Variants in UCK2 observed in about 807,000 individuals in gnomAD.
The protein encoded by UCK2 is cytidine monophosphokinase 2.
A neutral mutation model predicts 30.8 loss-of-function variants in UCK2; 6 were observed. The observed-to-expected ratio is 0.19, with a 90% CI of 0.11 to 0.38. The LOEUF is 0.38. Ranked by LOEUF, UCK2 falls within the 10% of genes least tolerant of loss-of-function variation. UCK2 has a pLI of 1.00. For missense variants in UCK2, 210 were observed against 339.8 expected (o/e 0.62, Z 3.00); for synonymous variants, 125 against 133.6 (o/e 0.94, Z 0.45).
intron 4 of UCK2, among the ~76,000 whole-genome samples, chr1:165,898,304 A>G (rs1034345685): frequency 1.3e-5 from 2 of 152,184 alleles, no homozygotes; most frequent in African/African-American, 2.4e-5. Context: ...TCATTTTCCT[A>G]TTAGAATGTG....
At chr1:165,877,690 T>G (rs2101874379) in intron 1 of UCK2, among the ~76,000 whole-genome samples, 1 of 152,320 alleles carries the variant, frequency 6.6e-6, no homozygotes, top group East Asian at 1.9e-4. Flanking sequence ...GCTTCTAATT[T>G]TTGGCTCTAA....
chr1:165,869,659 CTT>C (rs71100867), intron 1 of UCK2, among the ~76,000 whole-genome samples: 2,261 of 73,960 alleles, frequency 0.031, 41 homozygotes, highest in Middle Eastern at 0.052. Flanking sequence ...CATCATGGGC[CTT>C]TTTTTTTTTT....
intron 1 of UCK2, among the ~76,000 whole-genome samples, chr1:165,857,014 T>G (rs1214440345): frequency 6.6e-6 from 1 of 151,902 alleles, no homozygotes; most frequent in Non-Finnish European, 1.5e-5. Flanking sequence ...TTTTAGGGGC[T>G]TGGGAAAGTA....
intron 1 of UCK2, among the ~76,000 whole-genome samples, chr1:165,860,568 C>T (rs1430580747): frequency 6.6e-6 from 1 of 152,074 alleles, no homozygotes; most frequent in Non-Finnish European, 1.5e-5. Flanking sequence ...CCCACCTCAG[C>T]CTCCCAAGTA....
chr1:165,888,046 T>C (rs1396273583), intron 1 of UCK2, among the ~76,000 whole-genome samples: 1 of 152,242 alleles, frequency 6.6e-6, no homozygotes, highest in Non-Finnish European at 1.5e-5. Flanking sequence ...ACAGCTTGTA[T>C]AACAGGACGT....
At chr1:165,857,034 G>C (rs771842209) in intron 1 of UCK2, among the ~76,000 whole-genome samples, 1 of 151,628 alleles carries the variant, frequency 6.6e-6, no homozygotes, top group Non-Finnish European at 1.5e-5. Context: ...ATTTCAACTC[G>C]AAGAAAGGAC....
intron 3 of UCK2, chr1:165,894,668 T>C (rs1655847866): frequency 6.6e-6 from 1 of 152,034 alleles, no homozygotes; most frequent in South Asian, 2.1e-4. Flanking sequence ...TCCTAGTCCT[T>C]TTTTCCCGTC....
intron 3 of UCK2, 193 bp from the exon 4 acceptor site, chr1:165,895,997 G>T (rs566068482): frequency 3.0e-6 from 2 of 659,878 alleles, no homozygotes; most frequent in Non-Finnish European, 5.1e-6. Context: ...TGTCCCGGCC[G>T]TGATCACCCT....
At chr1:165,859,317 G>A (rs552775642) in intron 1 of UCK2, among the ~76,000 whole-genome samples, 2 of 152,236 alleles carry the variant, frequency 1.3e-5, no homozygotes, top group South Asian at 2.1e-4. Flanking sequence ...GCCCCTCCAT[G>A]CACCAGTCCA....
chr1:165,887,369 A>G lies in UCK2; in HGVS notation c.100-2835A>G, dbSNP rs1022883487. Among the ~76,000 whole-genome samples the G allele has an allele frequency of 1.7e-4, 26 of 152,108 alleles. 1 individual carries two copies. The highest frequency in any genetic ancestry group is 6.3e-4 in the African/African-American group (26 of 41,408). On this transcript the variant is annotated intron_variant, in intron 1 of 6. Coordinates refer to ENST00000367879, the MANE Select transcript of UCK2 (RefSeq NM_012474.5). The stretch of plus-strand genomic sequence containing the variant: ...GCACCTACTGTATGTTCATTATCCC[A>G]TTTTACTGGCCATTGTACAGGTTCT...
At chr1:165,838,064 T>A (rs1402752220) in intron 1 of UCK2, among the ~76,000 whole-genome samples, 1 of 152,240 alleles carries the variant, frequency 6.6e-6, no homozygotes, top group Non-Finnish European at 1.5e-5. Flanking sequence ...AATCGCTAAG[T>A]GACTTGGATC....
chr1:165,835,455 G>C (rs2101848775), intron 1 of UCK2, among the ~76,000 whole-genome samples: 1 of 151,992 alleles, frequency 6.6e-6, no homozygotes, highest in East Asian at 1.9e-4. Context: ...CCTGTCTTGG[G>C]CTCCCAAGGT....
At chr1:165,881,271 A>G (rs753281881) in intron 1 of UCK2, among the ~76,000 whole-genome samples, 1 of 149,770 alleles carries the variant, frequency 6.7e-6, no homozygotes, top group South Asian at 2.1e-4. Flanking sequence ...TTTCTCTGTC[A>G]TGTTTACCTA....
chr1:165,833,642 T>C (rs1016156586), intron 1 of UCK2, among the ~76,000 whole-genome samples: 6 of 152,216 alleles, frequency 3.9e-5, no homozygotes, highest in Admixed American at 1.3e-4. Context: ...CTTGCTTTTA[T>C]GAGGTTCTGT....
chr1:165,877,666 A>C (rs1655373679), intron 1 of UCK2, among the ~76,000 whole-genome samples: 1 of 152,220 alleles, frequency 6.6e-6, no homozygotes, highest in Admixed American at 6.5e-5. Flanking sequence ...GGCGTAATGA[A>C]GGCCATCTGG....
intron 1 of UCK2, among the ~76,000 whole-genome samples, chr1:165,860,306 C>G (rs1654863703): frequency 6.6e-6 from 1 of 152,148 alleles, no homozygotes; most frequent in South Asian, 2.1e-4. Context: ...TTGAAGCTGC[C>G]CTCTTCCTGT....
intron 1 of UCK2, among the ~76,000 whole-genome samples, chr1:165,879,666 G>A (rs189906819): frequency 2.0e-3 from 297 of 151,866 alleles, no homozygotes; most frequent in Middle Eastern, 0.01. Context: ...TGTGGCTTTG[G>A]GAGTTCTTTT....
chr1:165,861,491 A>G (rs926556522), intron 1 of UCK2, among the ~76,000 whole-genome samples: 1 of 149,800 alleles, frequency 6.7e-6, no homozygotes, highest in African/African-American at 2.5e-5. Context: ...AGCCGGGCGT[A>G]GTGGCGGGCG....
rs147331171 is a variant in UCK2 at position 165,867,316 on chromosome 1, A to G, written c.100-22888A>G. ...CTATTGCAATTTCTTAAAGTCAACA[A>G]TGAAGTTTGCCACGTTGATTGACTC... On this transcript the variant is annotated intron_variant, in intron 1 of 6. Transcript: ENST00000367879. 1.7e-3 allele frequency among the ~76,000 whole-genome samples: 254 copies of G among 152,306 alleles called. 1 individual carries two copies. Among genetic ancestry groups the G allele is most frequent in the Non-Finnish European group, 2.7e-3 (182 of 68,010 alleles).
Sources: allele counts gnomAD v4.1 joint callset (sites outside exome capture counted in the v4.1 genomes callset), GRCh38; gene constraint gnomAD v4.1.1; transcripts MANE v1.5; gene names NCBI Gene and HGNC (gene_info 2026-07-23, HGNC 2026-07-21).